The following IQCK variants were observed in gnomAD, a reference collection of about 807,000 sequenced individuals.
IQCK encodes IQ motif containing K.
IQCK carries 29 observed loss-of-function variants against 28.1 expected under a neutral mutation model. The ratio of observed to expected loss-of-function variants is 1.03; its 90% CI spans 0.77 to 1.41. The LOEUF (loss-of-function observed/expected upper bound fraction) is 1.41. Among genes scored for constraint, IQCK ranks in the 40% most tolerant of loss-of-function variants. IQCK has a pLI of 0.00. For synonymous variants in IQCK, 113 were observed against 115.1 expected, an observed-to-expected ratio of 0.98 and a Z score of 0.12; for missense variants, 359 against 314.7, an observed-to-expected ratio of 1.14 and a Z score of -1.07.
intron 6 of IQCK, among the ~76,000 whole-genome samples, chr16:19,780,919 T>C (rs2055473414): frequency 6.6e-6 from 1 of 152,260 alleles, no homozygotes; most frequent in East Asian, 1.9e-4. Flanking sequence ...ATTGGTTTGC[T>C]GTAATCCTAT....
At chr16:19,786,882 GA>G (rs2055571007) in intron 6 of IQCK, among the ~76,000 whole-genome samples, 1 of 72,308 alleles carries the variant, frequency 1.4e-5, no homozygotes, top group Non-Finnish European at 2.2e-5. Flanking sequence ...AAGGGGAGGG[GA>G]GGGGAAGGGA....
chr16:19,804,806 A>G (rs1169121399), intron 7 of IQCK, among the ~76,000 whole-genome samples: 1 of 152,222 alleles, frequency 6.6e-6, no homozygotes, highest in Non-Finnish European at 1.5e-5. Flanking sequence ...CTCATTCACA[A>G]TACTTTCAAC....
chr16:19,826,214 C>T (rs1469957847), intron 7 of IQCK, among the ~76,000 whole-genome samples: 5 of 152,054 alleles, frequency 3.3e-5, no homozygotes. Flanking sequence ...CACTATGTTG[C>T]CCAGGCTGGT....
chr16:19,718,331 A>G (rs866582906), exon 1 of IQCK: 6 of 1,609,504 alleles, frequency 3.7e-6, no homozygotes, highest in Middle Eastern at 1.8e-4. Flanking sequence ...GCAAATCCCC[A>G]GCCACATAGT....
intron 6 of IQCK, among the ~76,000 whole-genome samples, chr16:19,764,773 C>T (rs559646475): frequency 1.3e-5 from 2 of 149,576 alleles, no homozygotes; most frequent in Admixed American, 1.3e-4. Flanking sequence ...TTACTGCAAG[C>T]TCCACCTCCC....
chr16:19,766,943 G>A (rs764295741), intron 6 of IQCK, among the ~76,000 whole-genome samples: 1 of 152,228 alleles, frequency 6.6e-6, no homozygotes, highest in Non-Finnish European at 1.5e-5. Context: ...GGTGGCACAT[G>A]CCTGTAATCT....
intron 6 of IQCK, among the ~76,000 whole-genome samples, chr16:19,785,557 G>A (rs931587317): frequency 2.6e-5 from 4 of 152,204 alleles, no homozygotes; most frequent in Non-Finnish European, 5.9e-5. Context: ...TTCCTGCACA[G>A]CTGATGGGAA....
intron 9 of IQCK, among the ~76,000 whole-genome samples, chr16:19,855,524 G>A (rs2056548664): frequency 6.6e-6 from 1 of 152,192 alleles, no homozygotes; most frequent in Admixed American, 6.5e-5. Flanking sequence ...GGCGGAGGTT[G>A]CAGTGTGCCG....
exon 10 of IQCK, chr16:19,857,703 C>A (rs2056578994): frequency 5.1e-6 from 1 of 194,892 alleles, no homozygotes; most frequent in Admixed American, 6.1e-5. Context: ...AGACCACCAC[C>A]CGAGTTCACC....
At chr16:19,732,023 G>A (rs919834720) in intron 2 of IQCK, among the ~76,000 whole-genome samples, 1 of 152,180 alleles carries the variant, frequency 6.6e-6, no homozygotes, top group Non-Finnish European at 1.5e-5. Flanking sequence ...GAGTTCTGAG[G>A]TCCAAGGGCA....
intron 6 of IQCK, among the ~76,000 whole-genome samples, chr16:19,773,279 TGTG>T (rs967133066): frequency 1.3e-5 from 2 of 152,076 alleles, no homozygotes; most frequent in African/African-American, 2.4e-5. Flanking sequence ...TGACAAGTAT[TGTG>T]GTGCTGAGAA....
intron 6 of IQCK, among the ~76,000 whole-genome samples, chr16:19,774,472 A>G (rs1484188748): frequency 7.9e-6 from 1 of 126,764 alleles, no homozygotes; most frequent in Admixed American, 1.1e-4. Flanking sequence ...CAGCGATGCG[A>G]TCTTGGCTCA....
chr16:19,729,486 C>G (rs547996195), intron 1 of IQCK, among the ~76,000 whole-genome samples: 2 of 152,020 alleles, frequency 1.3e-5, no homozygotes, highest in South Asian at 4.2e-4. Flanking sequence ...TTCTCTTCCT[C>G]CCTTAATTCC....
At chr16:19,803,281 T>C (rs571449391) in intron 7 of IQCK, among the ~76,000 whole-genome samples, 12 of 152,266 alleles carry the variant, frequency 7.9e-5, no homozygotes, top group African/African-American at 2.9e-4. Context: ...TAGCTGGGAT[T>C]ACAGGCGCAC....
chr16:19,732,909 T>C (rs1335938081), intron 2 of IQCK, among the ~76,000 whole-genome samples: 1 of 152,164 alleles, frequency 6.6e-6, no homozygotes, highest in Non-Finnish European at 1.5e-5. Flanking sequence ...AGCTTTATGA[T>C]ATCGAAGGAC....
At chr16:19,833,317 A>G (rs757402920) in intron 9 of IQCK, among the ~76,000 whole-genome samples, 9 of 152,238 alleles carry the variant, frequency 5.9e-5, no homozygotes, top group Non-Finnish European at 1.2e-4. Flanking sequence ...CACAGTGTCC[A>G]TAAGAAAAAA....
chr16:19,728,746 G>C (rs536976039), intron 1 of IQCK, among the ~76,000 whole-genome samples: 2 of 152,244 alleles, frequency 1.3e-5, no homozygotes, highest in South Asian at 4.1e-4. Context: ...TCAATGATTT[G>C]TGCTAATTTG....
At chr16:19,852,501 G>A (rs985806485) in intron 9 of IQCK, among the ~76,000 whole-genome samples, 6 of 151,684 alleles carry the variant, frequency 4.0e-5, no homozygotes, top group African/African-American at 1.2e-4. Flanking sequence ...CATGATAGCT[G>A]TTCTCTTGCT....
intron 1 of IQCK, among the ~76,000 whole-genome samples, chr16:19,724,545 T>C (rs1303248859): frequency 5.9e-5 from 9 of 152,126 alleles, no homozygotes; most frequent in Admixed American, 5.9e-4. Context: ...TTTTTTGTTT[T>C]TGAGTCAGAG....
Sources: gnomAD v4.1 joint callset for allele counts (sites outside exome capture counted in the v4.1 genomes callset) on GRCh38, gnomAD v4.1.1 for gene constraint, MANE v1.5 for transcripts, NCBI Gene and HGNC (gene_info 2026-07-23, HGNC 2026-07-21) for gene names.